The following PELP1 variants were observed in gnomAD, a reference collection of about 807,000 sequenced individuals.
PELP1 encodes proline-, glutamic acid- and leucine-rich protein 1.
In PELP1, 32 loss-of-function variants were observed where a neutral mutation model predicts 95.5. That is an observed-to-expected ratio of 0.34 (90% CI 0.25 to 0.45). PELP1 has a LOEUF of 0.45. Among genes scored for constraint, PELP1 ranks in the 20% least tolerant of loss-of-function variants. The pLI, the probability that PELP1 is intolerant of heterozygous loss-of-function variation, is 1.00. For missense variants in PELP1, 1,358 were observed against 1,444.8 expected (o/e 0.94, Z 0.97); for synonymous variants, 668 against 600.1 (o/e 1.11, Z -1.65).
chr17:4,671,158 C>A lies in PELP1; in HGVS notation c.*281G>T. 1 of 487,596 alleles carries A rather than the reference C, an allele frequency of 2.1e-6. No individual in the cohort carries two copies. The highest frequency in any genetic ancestry group is 3.5e-5 in the Admixed American group (1 of 28,598). The allele number at this position is 487,596 out of a possible 1,614,324, so 30.2% of individuals were successfully genotyped here. On this transcript the variant is annotated 3_prime_UTR_variant, in exon 17 of 17. Coordinates refer to ENST00000572293, the MANE Select transcript of PELP1 (RefSeq NM_014389.3). ...ATAACTCCTCATTCTTAACCCTACACACAATTCTGCACGTTTAGCATCCAG... is the reference window on the plus strand; with the variant it reads ...ATAACTCCTCATTCTTAACCCTACAAACAATTCTGCACGTTTAGCATCCAG...
chr17:4,678,059 C>A (rs889097598), intron 5 of PELP1, among the ~76,000 whole-genome samples: 18 of 151,578 alleles, frequency 1.2e-4, no homozygotes, highest in Non-Finnish European at 1.8e-4. Flanking sequence ...ACTAAAAGTA[C>A]AAAAATTAGC....
At chr17:4,691,137 G>T in intron 2 of PELP1, 144 bp from the exon 3 acceptor site, 1 of 673,456 alleles carries the variant, frequency 1.5e-6, no homozygotes, top group Non-Finnish European at 2.6e-6. Context: ...CTTGGAATGA[G>T]GTGGAAGAAG....
chr17:4,694,787 A>G (rs2150564671), intron 1 of PELP1, among the ~76,000 whole-genome samples: 1 of 151,442 alleles, frequency 6.6e-6, no homozygotes, highest in African/African-American at 2.4e-5. Flanking sequence ...CCTGGCCAAC[A>G]TGGTGAAACC....
intron 1 of PELP1, among the ~76,000 whole-genome samples, chr17:4,702,452 TAAAG>T (rs887166964): frequency 2.6e-5 from 4 of 151,872 alleles, no homozygotes; most frequent in Admixed American, 2.0e-4. Flanking sequence ...TATTGTGAGA[TAAAG>T]AAAACAGAAA....
chr17:4,692,984 T>C (rs986248637), intron 1 of PELP1, among the ~76,000 whole-genome samples: 1 of 152,144 alleles, frequency 6.6e-6, no homozygotes, highest in Non-Finnish European at 1.5e-5. Flanking sequence ...CACTCCAGCC[T>C]GGGCAACAAG....
At chr17:4,693,719 A>C (rs9907858) in intron 1 of PELP1, among the ~76,000 whole-genome samples, 2 of 152,180 alleles carry the variant, frequency 1.3e-5, no homozygotes, top group African/African-American at 2.4e-5. Flanking sequence ...AGGTAGGATG[A>C]AGCAGAACTC....
Position 4,672,629 on chromosome 17 carries a change from C to T in PELP1, c.2362G>A (p.Val788Met). ...ISLESDSDDS[V>M]VIVPEGLPPL... ...GGAAGCCCCTCGGGCACGATCACCA[C>T]GCTGTCATCAGAGTCACTTTCCAAG... Residue 788 changes from valine (V) to methionine (M), a missense_variant, in exon 16 of 17, where the codon GTG becomes ATG. This residue lies in a region of PELP1 where 340 missense variants were observed against 322.9 expected (regional missense o/e 1.05). Transcript: ENST00000572293. 8 of 1,611,710 alleles carry T rather than the reference C, an allele frequency of 5.0e-6. No homozygotes were observed. The highest frequency in any genetic ancestry group is 1.7e-5 in the Admixed American group (1 of 59,990).
chr17:4,671,249 T>C lies in PELP1; in HGVS notation c.*190A>G, dbSNP rs746463142. 1.6e-4 allele frequency: 97 copies of C among 599,858 alleles called. No individual in the cohort carries two copies. Among genetic ancestry groups the C allele is most frequent in the Middle Eastern group, 8.8e-4 (2 of 2,280 alleles). 37.2% of individuals were successfully genotyped at this position (599,858 alleles called of 1,614,324 possible). A position where few individuals can be genotyped will look rare whatever the true frequency, so the allele number is the denominator to read the frequency against. On this transcript the variant is annotated 3_prime_UTR_variant, in exon 17 of 17. Coordinates refer to ENST00000572293, the MANE Select transcript of PELP1 (RefSeq NM_014389.3). ...GGACAGTCCATTACACCAATGTCAG[T>C]TGTTCCTCTCTGGATCGTCAAAAAG...
intron 4 of PELP1, 27 bp downstream of exon 4, chr17:4,682,775 TG>T: frequency 6.5e-7 from 1 of 1,543,818 alleles, no homozygotes; most frequent in Non-Finnish European, 8.7e-7. Flanking sequence ...CGGGGGGCCA[TG>T]GGGAAGGGTC....
At position 4,674,571 on chromosome 17, in the gene PELP1, C is replaced by T. The variant is rs369177110; in HGVS notation, c.1521G>A (p.Pro507=). The change falls in exon 13 of 17, where the codon CCG becomes CCA. Residue 507 remains proline, a synonymous_variant. Coordinates refer to ENST00000572293, the MANE Select transcript of PELP1 (RefSeq NM_014389.3). ...LKLDVGEAMA[P]PSHRKGDSNA... The stretch of plus-strand genomic sequence containing the variant: ...TGCTATCCCCTTTCCGGTGGCTTGG[C>T]GGGGCCATAGCTTCCCCCACATCCA... The T allele has an allele frequency of 4.5e-5, 73 of 1,612,148 alleles. No individual in the cohort carries two copies. Among genetic ancestry groups the T allele is most frequent in the South Asian group, 4.4e-4 (40 of 90,878 alleles).
At chr17:4,688,351 G>A (rs1912978197) in intron 3 of PELP1, among the ~76,000 whole-genome samples, 1 of 151,466 alleles carries the variant, frequency 6.6e-6, no homozygotes, top group Non-Finnish European at 1.5e-5. Flanking sequence ...AAAAAAAAAA[G>A]GAAGAAAGGA....
chr17:4,676,564 C>A (rs925948221), intron 6 of PELP1, 57 bp from the exon 7 acceptor site: 9 of 1,595,804 alleles, frequency 5.6e-6, no homozygotes, highest in Non-Finnish European at 6.9e-6. Flanking sequence ...GCCACAGAAC[C>A]CCCAGCCCCA....
At chr17:4,687,790 G>A (rs1912959078) in intron 3 of PELP1, among the ~76,000 whole-genome samples, 1 of 152,146 alleles carries the variant, frequency 6.6e-6, no homozygotes, top group African/African-American at 2.4e-5. Context: ...CCTGCTATAT[G>A]TGCTCAGAAA....
rs1246338416 is a variant in PELP1 at position 4,671,984 on chromosome 17, G to A, written c.3007C>T (p.Pro1003Ser). ...TCCTCCACTTCCAAAAGCAGCCCGGGTTCAGGTTCGGGTTCTGGCTGCACC... is the reference window on the plus strand; with the variant it reads ...TCCTCCACTTCCAAAAGCAGCCCGGATTCAGGTTCGGGTTCTGGCTGCACC... The part of the protein sequence containing the change: ...PKVQPEPEPE[P>S]GLLLEVEEPG... Residue 1003 changes from proline (P) to serine (S), a missense_variant, in exon 16 of 17, where the codon CCC becomes TCC. Around this residue, in one of 7 missense-constraint regions of PELP1, gnomAD observed 283 missense variants for 284.1 expected, o/e 1.00. Transcript: ENST00000572293. 2 of 1,537,908 alleles carry A rather than the reference G, an allele frequency of 1.3e-6. No individual in the cohort carries two copies. The highest frequency in any genetic ancestry group is 2.0e-5 in the Admixed American group (1 of 49,466).
In PELP1 at chr17:4,675,244, C is replaced by A; in HGVS notation, c.1157+30G>T. The stretch of plus-strand genomic sequence containing the variant: ...CCCTCGTTTCTGGCACGCCCTATCC[C>A]TTCACCACAGCCAGCCCAATCCCAC... On this transcript the variant is annotated intron_variant, in intron 10 of 16. Coordinates refer to ENST00000572293, the MANE Select transcript of PELP1 (RefSeq NM_014389.3). The surrounding 1 kb of genome is among the most constrained non-coding windows in gnomAD (Gnocchi z 4.3). The A allele has an allele frequency of 6.3e-7, 1 of 1,595,252 alleles. No individual in the cohort carries two copies. The highest frequency in any genetic ancestry group is 1.3e-5 in the African/African-American group (1 of 74,578).
Position 4,670,963 on chromosome 17 carries a change from T to C in PELP1, c.*476A>G, listed in dbSNP as rs1238209823. 6.3e-6 allele frequency: 1 copy of C among 158,642 alleles called. No homozygotes were observed. The highest frequency in any genetic ancestry group is 2.4e-5 in the African/African-American group (1 of 41,570). The allele number at this position is 158,642 out of a possible 1,614,324, so 9.8% of individuals were successfully genotyped here. ...TAAACTGCTCCACACCTTTTCCTAA[T>C]TTCCTAAACTTCCATAGACTGAGCA... On this transcript the variant is annotated 3_prime_UTR_variant, in exon 17 of 17. Transcript: ENST00000572293.
chr17:4,682,748 T>C, intron 4 of PELP1, 55 bp downstream of exon 4: 2 of 1,508,784 alleles, frequency 1.3e-6, no homozygotes, highest in Non-Finnish European at 1.8e-6. Flanking sequence ...TTAAACAGTG[T>C]GTGAAGGTGA....
rs191324952 is a variant in PELP1 at position 4,704,119 on chromosome 17, C to T, written c.-8G>A. 305 of 1,603,558 alleles carry T rather than the reference C, an allele frequency of 1.9e-4. No homozygotes were observed. The African/African-American group carries it at 3.5e-3, about 18-fold the overall frequency. On this transcript the variant is annotated 5_prime_UTR_variant, in exon 1 of 17. Transcript: ENST00000572293. ...CAGAACGGCTGCCGCCATCTTCCCC[C>T]GGGTTCCAGTGGTGGCGTGGCGCGA...
intron 3 of PELP1, among the ~76,000 whole-genome samples, chr17:4,688,146 C>A (rs1281462134): frequency 6.6e-6 from 1 of 152,104 alleles, no homozygotes; most frequent in Non-Finnish European, 1.5e-5. Context: ...ACCAGCCTGG[C>A]CAACATGGCG....
Sources: allele counts gnomAD v4.1 joint callset (sites outside exome capture counted in the v4.1 genomes callset), GRCh38; gene constraint gnomAD v4.1.1; regional missense constraint gnomAD v4.1.1; non-coding constraint Gnocchi (gnomAD v3.1); transcripts MANE v1.5; gene names NCBI Gene and HGNC (gene_info 2026-07-23, HGNC 2026-07-21).